The following MAML3 variants were observed in gnomAD, a reference collection of about 807,000 sequenced individuals.
MAML3 encodes mastermind-like protein 3.
MAML3 carries 27 observed loss-of-function variants against 101.9 expected under a neutral mutation model. The observed-to-expected ratio is 0.27, with a 90% CI of 0.20 to 0.37. The LOEUF (loss-of-function observed/expected upper bound fraction) is 0.37. MAML3 is among the 10% of genes least tolerant of loss of function. MAML3 has a pLI of 1.00. For synonymous variants in MAML3, 501 were observed against 555.9 expected, an observed-to-expected ratio of 0.90 and a Z score of 1.39; for missense variants, 1,316 against 1,444.9, an observed-to-expected ratio of 0.91 and a Z score of 1.45.
intron 2 of MAML3, among the ~76,000 whole-genome samples, chr4:139,853,385 A>G (rs1278923056): frequency 6.6e-6 from 1 of 152,204 alleles, no homozygotes; most frequent in African/African-American, 2.4e-5. Flanking sequence ...TCTTGAATAA[A>G]CAAAGAGACA....
rs1229224315 is a variant in MAML3 at position 139,828,731 on chromosome 4, T to TAA, written c.2079+60625_2079+60626insTT. Among the ~76,000 whole-genome samples the TAA allele has an allele frequency of 2.0e-3, 155 of 77,094 alleles. 1 individual carries two copies. Among genetic ancestry groups the TAA allele is most frequent in the African/African-American group, 5.9e-3 (136 of 23,228 alleles). 50.6% of individuals were successfully genotyped at this position (77,094 alleles called of 152,430 possible). A position where few individuals can be genotyped will look rare whatever the true frequency, so the allele number is the denominator to read the frequency against. ...GCACTTCTTTTTTTTTTTTTTTTTTTTAAAAACATAGTTTTATTGTAATGA... is the reference window on the plus strand; with the variant it reads ...GCACTTCTTTTTTTTTTTTTTTTTTTAATAAAAACATAGTTTTATTGTAATGA... On this transcript the variant is annotated intron_variant, in intron 2 of 4. Coordinates refer to ENST00000509479, the MANE Select transcript of MAML3 (RefSeq NM_018717.5).
intron 1 of MAML3, among the ~76,000 whole-genome samples, chr4:139,920,043 A>G (rs1258395847): frequency 6.6e-6 from 1 of 152,222 alleles, no homozygotes; most frequent in Non-Finnish European, 1.5e-5. Context: ...CTGTTTTTCT[A>G]ACCTAAATAA....
At chr4:140,004,001 G>C (rs1239924214) in intron 1 of MAML3, among the ~76,000 whole-genome samples, 3 of 152,232 alleles carry the variant, frequency 2.0e-5, no homozygotes, top group African/African-American at 7.2e-5. Context: ...AGCATTGTAA[G>C]CTATAGGCAA....
intron 1 of MAML3, among the ~76,000 whole-genome samples, chr4:140,092,894 A>G (rs566244960): frequency 2.6e-4 from 39 of 152,290 alleles, no homozygotes; most frequent in African/African-American, 8.7e-4. Flanking sequence ...CCTAAGTACC[A>G]AGTCAATAAT....
At chr4:140,035,114 T>C (rs1054268695) in intron 1 of MAML3, among the ~76,000 whole-genome samples, 1 of 152,064 alleles carries the variant, frequency 6.6e-6, no homozygotes, top group African/African-American at 2.4e-5. Flanking sequence ...GGATTACAGG[T>C]GCCTGCCACA....
intron 2 of MAML3, among the ~76,000 whole-genome samples, chr4:139,782,326 C>T (rs1446421452): frequency 2.0e-5 from 3 of 152,064 alleles, no homozygotes; most frequent in Non-Finnish European, 4.4e-5. Context: ...CCATGCCCAA[C>T]TAGTTTAAAA....
At chr4:140,078,322 G>T (rs1303206177) in intron 1 of MAML3, among the ~76,000 whole-genome samples, 1 of 152,152 alleles carries the variant, frequency 6.6e-6, no homozygotes, top group Non-Finnish European at 1.5e-5. Context: ...GGAGCCGTAC[G>T]ACCCTTGCTT....
At chr4:139,824,117 A>G (rs1276221366) in intron 2 of MAML3, among the ~76,000 whole-genome samples, 5 of 152,126 alleles carry the variant, frequency 3.3e-5, no homozygotes, top group African/African-American at 1.2e-4. Context: ...TTAACATCTG[A>G]TGACCATCGA....
chr4:139,766,235 G>A (rs969409961), intron 2 of MAML3, among the ~76,000 whole-genome samples: 40 of 152,070 alleles, frequency 2.6e-4, no homozygotes, highest in Non-Finnish European at 4.6e-4. Flanking sequence ...GCAGTGGCAT[G>A]ATCTCGGCTT....
At chr4:139,998,921 G>A (rs1222828238) in intron 1 of MAML3, among the ~76,000 whole-genome samples, 2 of 152,076 alleles carry the variant, frequency 1.3e-5, no homozygotes, top group African/African-American at 4.8e-5. Flanking sequence ...CCAATGATTG[G>A]ACACAAATTG....
chr4:140,054,012 T>G (rs1727311750), intron 1 of MAML3, among the ~76,000 whole-genome samples: 1 of 152,180 alleles, frequency 6.6e-6, no homozygotes, highest in Non-Finnish European at 1.5e-5. Flanking sequence ...GTTTTTTCTC[T>G]TCACTTTTAA....
intron 2 of MAML3, among the ~76,000 whole-genome samples, chr4:139,841,719 C>T (rs1731365793): frequency 6.6e-6 from 1 of 152,230 alleles, no homozygotes; most frequent in Non-Finnish European, 1.5e-5. Flanking sequence ...TCACACTTAT[C>T]AACAGTGAGA....
At chr4:140,100,280 GC>G (rs1376596390) in intron 1 of MAML3, among the ~76,000 whole-genome samples, 1 of 152,048 alleles carries the variant, frequency 6.6e-6, no homozygotes, top group East Asian at 1.9e-4. Flanking sequence ...ATGTGTCTAT[GC>G]CTTTCTCAAG....
chr4:140,075,738 A>G (rs1169079094), intron 1 of MAML3, among the ~76,000 whole-genome samples: 1 of 147,948 alleles, frequency 6.8e-6, no homozygotes, highest in Non-Finnish European at 1.5e-5. Context: ...ACGTCTCCCT[A>G]TGTTGCCCAG....
chr4:139,889,618 G>A lies in MAML3; in HGVS notation c.1818C>T (p.Thr606=). Reference sequence around the variant, plus strand: ...TCTGACTCAGGTCTGCATTGAAGTGGGTCAGGGGTTTAGTGTTGCCATAAG... The same window carrying A: ...TCTGACTCAGGTCTGCATTGAAGTGAGTCAGGGGTTTAGTGTTGCCATAAG... The part of the protein sequence containing the change: ...ILTYGNTKPL[T]HFNADLSQRM... Residue 606 remains threonine, a synonymous_variant, in exon 2 of 5, where the codon ACC becomes ACT. Transcript: ENST00000509479. 6.2e-7 allele frequency: 1 copy of A among 1,613,908 alleles called. No individual in the cohort carries two copies. The highest frequency in any genetic ancestry group is 1.1e-5 in the South Asian group (1 of 91,074).
chr4:139,720,192 C>T lies in MAML3; in HGVS notation c.2548G>A (p.Ala850Thr), dbSNP rs775691883. 4.3e-6 allele frequency: 7 copies of T among 1,613,844 alleles called. No homozygotes were observed. The highest frequency in any genetic ancestry group is 2.2e-5 in the South Asian group (2 of 91,074). The change falls in exon 5 of 5, where the codon GCA becomes ACA. Residue 850 changes from alanine (A) to threonine (T), a missense_variant. Coordinates refer to ENST00000509479, the MANE Select transcript of MAML3 (RefSeq NM_018717.5). Reference sequence around the variant, plus strand: ...AGTCCCATCTCCGACTGCGCAGCTGCGGTGGCCATCGTCCCAGGGTTCTGG... The same window carrying T: ...AGTCCCATCTCCGACTGCGCAGCTGTGGTGGCCATCGTCCCAGGGTTCTGG... ...PSQNPGTMAT[A>T]AAQSEMGLAP...
chr4:139,849,553 C>T (rs1731512243), intron 2 of MAML3, among the ~76,000 whole-genome samples: 1 of 152,044 alleles, frequency 6.6e-6, no homozygotes, highest in South Asian at 2.1e-4. Flanking sequence ...AGTTTGTTCA[C>T]AGGAAGGAGG....
chr4:140,006,822 A>G (rs998643025), intron 1 of MAML3, among the ~76,000 whole-genome samples: 8 of 152,154 alleles, frequency 5.3e-5, no homozygotes, highest in African/African-American at 1.9e-4. Flanking sequence ...AAAAATAATA[A>G]TAGCAAAGAC....
intron 1 of MAML3, among the ~76,000 whole-genome samples, chr4:139,965,431 C>T (rs1366068749): frequency 6.6e-6 from 1 of 152,170 alleles, no homozygotes; most frequent in Non-Finnish European, 1.5e-5. Context: ...GCAGAAAATA[C>T]TAAAACATCA....
Sources: allele counts gnomAD v4.1 joint callset (sites outside exome capture counted in the v4.1 genomes callset), GRCh38; gene constraint gnomAD v4.1.1; transcripts MANE v1.5; gene names NCBI Gene and HGNC (gene_info 2026-07-23, HGNC 2026-07-21).